The following EFCC1 variants were observed in gnomAD, a reference collection of about 807,000 sequenced individuals.
EFCC1 encodes EF-hand and coiled-coil domain-containing protein 1.
Under a neutral mutation model 52.1 loss-of-function variants are expected in EFCC1, and 50 were observed. The observed-to-expected ratio is 0.96, with a 90% CI of 0.76 to 1.21. The LOEUF (loss-of-function observed/expected upper bound fraction) is 1.21. EFCC1 is among the 50% of genes most tolerant of loss of function. The pLI, the probability that EFCC1 is intolerant of heterozygous loss-of-function variation, is 0.00. For missense variants in EFCC1, 837 were observed against 867.3 expected (o/e 0.97, Z 0.44); for synonymous variants, 399 against 396.5 (o/e 1.01, Z -0.08).
In EFCC1 at chr3:129,002,069, G is replaced by A. The variant is rs1944802234; in HGVS notation, c.441G>A (p.Ala147=). Reference sequence around the variant, plus strand: ...AGCTCACCTTCCGCCAGTTCCACGCGCGCCTCTGTGGCTACTTCGGCACCC... The same window carrying A: ...AGCTCACCTTCCGCCAGTTCCACGCACGCCTCTGTGGCTACTTCGGCACCC... ...PPELTFRQFH[A]RLCGYFGTRA... is the part of the protein sequence containing the mutation. Residue 147 remains alanine (A), a synonymous_variant, in exon 1 of 8, where the codon GCG becomes GCA. Transcript: ENST00000683648. The A allele has an allele frequency of 2.6e-6, 4 of 1,537,616 alleles. No individual in the cohort carries two copies. The highest frequency in any genetic ancestry group is 2.0e-5 in the Admixed American group (1 of 50,094).
At position 129,010,339 on chromosome 3, in the gene EFCC1, C is replaced by T. The variant is rs763540435; in HGVS notation, c.980+6262C>T. Among the ~76,000 whole-genome samples the T allele has an allele frequency of 6.6e-6, 1 of 152,290 alleles. No individual in the cohort carries two copies. Among genetic ancestry groups the T allele is most frequent in the Non-Finnish European group, 1.5e-5 (1 of 68,018 alleles). ...CCCCTTGATGGGGCCTTCAGGACAC[C>T]GGGGCAGGGCAGGCAGCCTAGGGCC... is the stretch of plus-strand genomic sequence containing the variant. On this transcript the variant is annotated intron_variant, in intron 2 of 7. Coordinates refer to ENST00000683648, the MANE Select transcript of EFCC1 (RefSeq NM_001377500.1). This position sits in a 1 kb window ranked among gnomAD's most constrained non-coding sequence, Gnocchi z 4.3.
rs1340593423 is a variant in EFCC1, at chr3:129,002,096, T to G, written c.468T>G (p.Arg156=). Residue 156 remains arginine, a synonymous_variant, in exon 1 of 8, where the codon CGT becomes CGG. Coordinates refer to ENST00000683648, the MANE Select transcript of EFCC1 (RefSeq NM_001377500.1). Reference sequence around the variant, plus strand: ...GCCTCTGTGGCTACTTCGGCACCCGTGCGGGGCCCCGGCTGCCCCGCGGCG... The same window carrying G: ...GCCTCTGTGGCTACTTCGGCACCCGGGCGGGGCCCCGGCTGCCCCGCGGCG... ...HARLCGYFGT[R]AGPRLPRGAL... 1 of 1,509,652 alleles carries G rather than the reference T, an allele frequency of 6.6e-7. No homozygotes were observed. The highest frequency in any genetic ancestry group is 2.2e-5 in the Admixed American group (1 of 45,694). 93.5% of individuals were successfully genotyped at this position (1,509,652 alleles called of 1,614,324 possible). A position where few individuals can be genotyped will look rare whatever the true frequency, so the allele number is the denominator to read the frequency against.
Position 129,040,468 on chromosome 3 carries a change from T to A in EFCC1, c.*620T>A, listed in dbSNP as rs970128952. ...CAGGTAAAGAAAGGAGGGAAGGGCA[T>A]AGAATCTAAGGTAATGGCAAGAGCA... On this transcript the variant is annotated 3_prime_UTR_variant, in exon 8 of 8. Coordinates refer to ENST00000683648, the MANE Select transcript of EFCC1 (RefSeq NM_001377500.1). The surrounding 1 kb of genome is among the most constrained non-coding windows in gnomAD (Gnocchi z 4.4). The A allele has an allele frequency of 6.6e-6, 1 of 152,408 alleles. No homozygotes were observed. The highest frequency in any genetic ancestry group is 1.5e-5 in the Non-Finnish European group (1 of 68,124). The allele number at this position is 152,408 out of a possible 1,614,324, so 9.4% of individuals were successfully genotyped here.
chr3:129,033,792 G>A (rs1000029659), intron 4 of EFCC1, among the ~76,000 whole-genome samples: 2 of 152,210 alleles, frequency 1.3e-5, no homozygotes, highest in Non-Finnish European at 1.5e-5. Context: ...GCGGGGCAGG[G>A]AGATGCAGGG....
chr3:129,002,793 T>A (rs1219281777), intron 1 of EFCC1: 1 of 160,040 alleles, frequency 6.2e-6, no homozygotes, highest in Admixed American at 6.5e-5. Flanking sequence ...GCTCCTTCTG[T>A]CAATCAGCAA....
At chr3:129,012,363 A>G (rs1204432010) in intron 2 of EFCC1, among the ~76,000 whole-genome samples, 1 of 152,060 alleles carries the variant, frequency 6.6e-6, no homozygotes, top group Non-Finnish European at 1.5e-5. Context: ...CATTTGCTAC[A>G]CACTCCTCGG....
rs1946407441 is a variant in EFCC1, at chr3:129,040,373, G to A, written c.*525G>A. On this transcript the variant is annotated 3_prime_UTR_variant, in exon 8 of 8. Transcript: ENST00000683648. This position sits in a 1 kb window ranked among gnomAD's most constrained non-coding sequence, Gnocchi z 4.4. The stretch of plus-strand genomic sequence containing the variant: ...AAAGGCTGAGGGAATTCCAAGGAAG[G>A]AACAATCACTGTAGGCTCCCTGGTA... 1 of 153,306 alleles carries A rather than the reference G, an allele frequency of 6.5e-6. No individual in the cohort carries two copies. Among genetic ancestry groups the A allele is most frequent in the African/African-American group, 2.4e-5 (1 of 41,488 alleles). The allele number at this position is 153,306 out of a possible 1,614,324, so 9.5% of individuals were successfully genotyped here. A position where few individuals can be genotyped will look rare whatever the true frequency, so the allele number is the denominator to read the frequency against.
intron 2 of EFCC1, among the ~76,000 whole-genome samples, chr3:129,006,132 C>G (rs1235357683): frequency 6.6e-6 from 1 of 152,200 alleles, no homozygotes. Flanking sequence ...GTAATGTACC[C>G]AAGGCCACAC....
intron 2 of EFCC1, among the ~76,000 whole-genome samples, chr3:129,005,074 G>A (rs896906161): frequency 2.6e-5 from 4 of 152,186 alleles, no homozygotes; most frequent in African/African-American, 4.8e-5. Context: ...CCTGCTGGCC[G>A]GCCTGACTAC....
chr3:129,008,089 A>G (rs1945153366), intron 2 of EFCC1, among the ~76,000 whole-genome samples: 2 of 152,220 alleles, frequency 1.3e-5, no homozygotes, highest in Admixed American at 1.3e-4. Flanking sequence ...GCAGTTTTCC[A>G]TCTGCCTCCA....
intron 3 of EFCC1, 108 bp downstream of exon 3, chr3:129,030,968 A>T: frequency 7.3e-7 from 1 of 1,360,958 alleles, no homozygotes; most frequent in South Asian, 1.7e-5. Flanking sequence ...CCAGCCTCCA[A>T]ACAGAGCCCA....
chr3:129,030,147 A>G lies in EFCC1; in HGVS notation c.981-556A>G, dbSNP rs557487725. 5.3e-5 allele frequency among the ~76,000 whole-genome samples: 8 copies of G among 152,172 alleles called. No individual in the cohort carries two copies. The East Asian group carries it at 1.6e-3, about 30-fold the overall frequency. On this transcript the variant is annotated intron_variant, in intron 2 of 7. Transcript: ENST00000683648. ...CTGCAGTGAGCCAAGATCATGCCAC[A>G]GCACTCCAGCCTGGGTGACATAGAG...
At chr3:129,030,227 C>CT (rs1559973911) in intron 2 of EFCC1, among the ~76,000 whole-genome samples, 2 of 152,084 alleles carry the variant, frequency 1.3e-5, no homozygotes, top group South Asian at 4.1e-4. Context: ...ACAATGAAAA[C>CT]TTTTTTTAAA....
chr3:129,013,864 A>G (rs1945446469), intron 2 of EFCC1, among the ~76,000 whole-genome samples: 2 of 152,178 alleles, frequency 1.3e-5, no homozygotes, highest in African/African-American at 4.8e-5. Context: ...CAATGATGGC[A>G]CCCAGTCCCC....
At chr3:129,039,005 T>C (rs758627432) in intron 7 of EFCC1, 105 bp downstream of exon 7, 21 of 1,020,948 alleles carry the variant, frequency 2.1e-5, no homozygotes, top group Admixed American at 3.7e-5. Flanking sequence ...TGCAAAACAA[T>C]CATGTTATTC....
intron 2 of EFCC1, among the ~76,000 whole-genome samples, chr3:129,025,749 C>G (rs1164059325): frequency 1.2e-5 from 1 of 83,532 alleles, no homozygotes; most frequent in Non-Finnish European, 3.0e-5. Context: ...AGTAGCACAC[C>G]CCAGGGCTCC....
intron 6 of EFCC1, 65 bp downstream of exon 6, chr3:129,037,182 T>C: frequency 6.6e-7 from 1 of 1,509,798 alleles, no homozygotes; most frequent in Non-Finnish European, 8.8e-7. Context: ...GGAGCCCCAC[T>C]TGTGTCAGGC....
At chr3:129,012,697 T>C (rs1429794485) in intron 2 of EFCC1, among the ~76,000 whole-genome samples, 1 of 152,092 alleles carries the variant, frequency 6.6e-6, no homozygotes, top group East Asian at 1.9e-4. Context: ...TGGGTGGCCA[T>C]AGAAGTGGGA....
At position 129,032,960 on chromosome 3, in the gene EFCC1, G is replaced by A; in HGVS notation, c.1280G>A (p.Arg427Lys). Residue 427 changes from arginine to lysine, a missense_variant, in exon 4 of 8, where the codon AGA becomes AAA. Arg to Lys is a conservative substitution (Grantham distance 26). Transcript: ENST00000683648. ...CTGCTGGCCCGGCTCTCCAGCTGCAGAGGCAGGTGTGTGGCCCGTCCAGCG... is the reference window on the plus strand; with the variant it reads ...CTGCTGGCCCGGCTCTCCAGCTGCAAAGGCAGGTGTGTGGCCCGTCCAGCG... ...KTLLARLSSCRGRCDDQTAEK... is the reference protein window; with the variant it reads ...KTLLARLSSCKGRCDDQTAEK... The A allele has an allele frequency of 1.1e-5, 17 of 1,541,930 alleles. No individual in the cohort carries two copies. Among genetic ancestry groups the A allele is most frequent in the Non-Finnish European group, 1.3e-5 (15 of 1,141,712 alleles).
Sources: allele counts gnomAD v4.1 joint callset (sites outside exome capture counted in the v4.1 genomes callset), GRCh38; gene constraint gnomAD v4.1.1; non-coding constraint Gnocchi (gnomAD v3.1); transcripts MANE v1.5; gene names NCBI Gene and HGNC (gene_info 2026-07-23, HGNC 2026-07-21).